VCL: variants seen among roughly 807,000 people sequenced by gnomAD.
VCL encodes the protein vinculin.
A neutral mutation model predicts 125.7 loss-of-function variants in VCL; 47 were observed. The observed-to-expected ratio is 0.37, with a 90% CI of 0.30 to 0.48. VCL has a LOEUF of 0.48. VCL is among the 20% of genes least tolerant of loss of function. The probability of loss-of-function intolerance (pLI) is 0.99; values close to 1 mark genes in which losing one functional copy is unlikely to be tolerated. For synonymous variants in VCL, 458 were observed against 514.6 expected, an observed-to-expected ratio of 0.89 and a Z score of 1.49; for missense variants, 1,069 against 1,455.5, an observed-to-expected ratio of 0.73 and a Z score of 4.32.
At chr10:74,114,675 A>G in intron 20 of VCL, 120 bp from the exon 21 acceptor site, 1 of 1,101,580 alleles carries the variant, frequency 9.1e-7, no homozygotes, top group Non-Finnish European at 1.3e-6. Context: ...TCTGCTGCTT[A>G]TTTATCGAGT....
intron 13 of VCL, among the ~76,000 whole-genome samples, chr10:74,099,685 C>G (rs1370960302): frequency 6.6e-6 from 1 of 152,154 alleles, no homozygotes. Context: ...GAAGGAGCAG[C>G]AGTCATGGTC....
At position 74,043,905 on chromosome 10, in the gene VCL, C is replaced by T. The variant is rs543965791; in HGVS notation, c.239+752C>T. 3.3e-5 allele frequency among the ~76,000 whole-genome samples: 5 copies of T among 151,526 alleles called. No homozygotes were observed. In the South Asian group the frequency reaches 6.3e-4, roughly 19 times the overall value. ...GGTGGATCACCTCAGGTCAGGAGAT[C>T]GAGACCATCCTGGCTAACATGGTGA... On this transcript the variant is annotated intron_variant, in intron 2 of 21. Transcript: ENST00000211998.
rs118123696 is a variant in VCL, at chr10:74,013,161, G to T, written c.168+14786G>T. 5.3e-3 allele frequency among the ~76,000 whole-genome samples: 810 copies of T among 152,186 alleles called. 2 individuals are homozygous for T. Among genetic ancestry groups the T allele is most frequent in the Non-Finnish European group, 9.2e-3 (627 of 68,006 alleles). Reference sequence around the variant, plus strand: ...AAATAGGAAGGCCATTTTCTGCTGCGATCAAAAACTGTTTTAAGCTTCTTT... The same window carrying T: ...AAATAGGAAGGCCATTTTCTGCTGCTATCAAAAACTGTTTTAAGCTTCTTT... On this transcript the variant is annotated intron_variant, in intron 1 of 21. Transcript: ENST00000211998.
At chr10:74,057,317 A>T (rs1453993948) in intron 2 of VCL, among the ~76,000 whole-genome samples, 1 of 152,080 alleles carries the variant, frequency 6.6e-6, no homozygotes, top group Admixed American at 6.6e-5. Flanking sequence ...AGTACTTCCT[A>T]TTTGAAGCAT....
chr10:74,080,736 C>T (rs1839662274), intron 6 of VCL, among the ~76,000 whole-genome samples: 1 of 152,302 alleles, frequency 6.6e-6, no homozygotes, highest in East Asian at 1.9e-4. Flanking sequence ...TGTCCACACA[C>T]TTCCTAAGTA....
chr10:74,070,940 C>A, intron 3 of VCL, 35 bp from the exon 4 acceptor site: 1 of 1,612,530 alleles, frequency 6.2e-7, no homozygotes. Context: ...TAGTTGTCCA[C>A]CCATGTGATT....
intron 1 of VCL, among the ~76,000 whole-genome samples, chr10:74,042,568 A>G (rs964752125): frequency 6.6e-6 from 1 of 152,174 alleles, no homozygotes; most frequent in Admixed American, 6.5e-5. Context: ...TTAGGGAAAA[A>G]TATCATATTG....
chr10:74,001,782 G>A (rs1840230307), intron 1 of VCL, among the ~76,000 whole-genome samples: 1 of 152,146 alleles, frequency 6.6e-6, no homozygotes, highest in South Asian at 2.1e-4. Flanking sequence ...TAATCTGGGT[G>A]AGTATTTCTT....
At chr10:74,109,212 G>A in intron 18 of VCL, 56 bp downstream of exon 18, 7 of 1,601,590 alleles carry the variant, frequency 4.4e-6, no homozygotes, top group Non-Finnish European at 6.0e-6. Flanking sequence ...AAGGATGAAG[G>A]ACCATGAAAG....
At chr10:74,104,219 G>T (rs1421126282) in intron 15 of VCL, among the ~76,000 whole-genome samples, 1 of 152,142 alleles carries the variant, frequency 6.6e-6, no homozygotes, top group African/African-American at 2.4e-5. Context: ...TCTTTGCCCA[G>T]TCCGAGCCCG....
At chr10:74,090,838 C>A (rs1839871071) in intron 10 of VCL, among the ~76,000 whole-genome samples, 2 of 151,652 alleles carry the variant, frequency 1.3e-5, no homozygotes, top group Non-Finnish European at 2.9e-5. Flanking sequence ...TCTCACTCTA[C>A]CACCCACGCT....
rs181111660 is a variant in VCL at position 74,117,596 on chromosome 10, T to C, written c.3259-427T>C. 1.5e-3 allele frequency among the ~76,000 whole-genome samples: 224 copies of C among 151,242 alleles called. No homozygotes were observed. In the Middle Eastern group the frequency reaches 0.021, roughly 14 times the overall value. On this transcript the variant is annotated intron_variant, in intron 21 of 21. Coordinates refer to ENST00000211998, the MANE Select transcript of VCL (RefSeq NM_014000.3). ...TGAGCCCAGGGGGCAGAGGCTGCAG[T>C]GGCCGAGATCACACCACTGCACTCC...
At chr10:74,057,562 T>A (rs1841409533) in intron 2 of VCL, among the ~76,000 whole-genome samples, 1 of 152,144 alleles carries the variant, frequency 6.6e-6, no homozygotes, top group South Asian at 2.1e-4. Context: ...GGCCTTATAT[T>A]ATGAAGGGTC....
At chr10:74,009,229 CCG>C (rs59096058) in intron 1 of VCL, among the ~76,000 whole-genome samples, 1,582 of 128,428 alleles carry the variant, frequency 0.012, 195 homozygotes, top group African/African-American at 0.048. Context: ...CCCCCCCCCC[CCG>C]AGCCATTTTA....
At chr10:74,083,932 A>G (rs1455806185) in intron 8 of VCL, among the ~76,000 whole-genome samples, 3 of 150,956 alleles carry the variant, frequency 2.0e-5, no homozygotes, top group Non-Finnish European at 4.4e-5. Flanking sequence ...CAGTGGCGCG[A>G]TCTTGGGTCA....
At chr10:74,104,080 C>A (rs1320328323) in intron 15 of VCL, 152 bp downstream of exon 15, 13 of 753,128 alleles carry the variant, frequency 1.7e-5, no homozygotes, top group Non-Finnish European at 4.4e-6. Context: ...GGCTGCTGAG[C>A]AGTGGCGGCT....
In VCL at chr10:74,089,288, G is replaced by C; in HGVS notation, c.1115G>C (p.Arg372Pro). The C allele has an allele frequency of 6.2e-7, 1 of 1,614,090 alleles. No individual in the cohort carries two copies. Residue 372 changes from arginine to proline, a missense_variant, in exon 9 of 22, where the codon CGC (arginine) becomes CCC (proline). Around this residue, in one of 6 missense-constraint regions of VCL, gnomAD observed 760 missense variants for 928.9 expected, o/e 0.82. Transcript: ENST00000211998. Reference sequence around the variant, plus strand: ...ACAGCAAAAGTGGAAAATGCAGCTCGCAAGCTGGAAGCCATGACCAACTCA... The same window carrying C: ...ACAGCAAAAGTGGAAAATGCAGCTCCCAAGCTGGAAGCCATGACCAACTCA... ...VLTAKVENAARKLEAMTNSKQ... is the reference protein window; with the variant it reads ...VLTAKVENAAPKLEAMTNSKQ...
At chr10:74,013,799 CAG>C (rs1334317240) in intron 1 of VCL, among the ~76,000 whole-genome samples, 1 of 152,218 alleles carries the variant, frequency 6.6e-6, no homozygotes, top group South Asian at 2.1e-4. Flanking sequence ...ATTCCTGACA[CAG>C]AGCTAAGAGC....
intron 18 of VCL, among the ~76,000 whole-genome samples, chr10:74,111,405 C>T (rs141024571): frequency 6.6e-6 from 1 of 152,330 alleles, no homozygotes; most frequent in African/African-American, 2.4e-5. Flanking sequence ...CCCAAATTGC[C>T]TCCTGTGTCC....
Sources: allele counts gnomAD v4.1 joint callset (sites outside exome capture counted in the v4.1 genomes callset), GRCh38; gene constraint gnomAD v4.1.1; regional missense constraint gnomAD v4.1.1; transcripts MANE v1.5; gene names NCBI Gene and HGNC (gene_info 2026-07-23, HGNC 2026-07-21).